SPATS2L: variants seen among roughly 807,000 people sequenced by gnomAD.
SPATS2L encodes the protein SPATS2-like protein.
Under a neutral mutation model 59.6 loss-of-function variants are expected in SPATS2L, and 30 were observed. The observed-to-expected ratio is 0.50, with a 90% CI of 0.38 to 0.68. SPATS2L has a LOEUF of 0.68. Among genes scored for constraint, SPATS2L ranks in the 30% least tolerant of loss-of-function variants. The pLI is 0.00. For missense variants in SPATS2L, 615 were observed against 700.0 expected, an observed-to-expected ratio of 0.88 and a Z score of 1.37; for synonymous variants, 252 against 263.5, an observed-to-expected ratio of 0.96 and a Z score of 0.42.
intron 2 of SPATS2L, among the ~76,000 whole-genome samples, chr2:200,386,735 T>C (rs894724972): frequency 6.6e-6 from 1 of 152,216 alleles, no homozygotes; most frequent in African/African-American, 2.4e-5. Context: ...ATGAAAGTCA[T>C]TGTGGCTCAC....
At chr2:200,377,243 G>A (rs577675480) in intron 2 of SPATS2L, among the ~76,000 whole-genome samples, 2 of 152,288 alleles carry the variant, frequency 1.3e-5, no homozygotes, top group African/African-American at 2.4e-5. Context: ...ACTAGTAAGA[G>A]GTAGAGCTGG....
At chr2:200,420,977 T>G (rs1361668221) in intron 6 of SPATS2L, among the ~76,000 whole-genome samples, 1 of 152,156 alleles carries the variant, frequency 6.6e-6, no homozygotes, top group Non-Finnish European at 1.5e-5. Context: ...GGTAGATCCT[T>G]TGATGAGAAT....
intron 2 of SPATS2L, chr2:200,378,508 A>C: frequency 2.0e-6 from 1 of 506,572 alleles, no homozygotes; most frequent in Non-Finnish European, 2.6e-6. Context: ...TTTCCCACCA[A>C]GTGCCAGTGC....
At chr2:200,404,228 G>A (rs890601559) in intron 3 of SPATS2L, among the ~76,000 whole-genome samples, 1 of 152,224 alleles carries the variant, frequency 6.6e-6, no homozygotes, top group Non-Finnish European at 1.5e-5. Context: ...AGATTGGAGA[G>A]AGGAGAAACC....
At chr2:200,411,272 A>T (rs1364098691) in intron 3 of SPATS2L, among the ~76,000 whole-genome samples, 1 of 152,156 alleles carries the variant, frequency 6.6e-6, no homozygotes, top group Non-Finnish European at 1.5e-5. Flanking sequence ...CATAATCAGG[A>T]AATAGGCCAT....
chr2:200,369,078 T>TAAA (rs11383455), intron 2 of SPATS2L, among the ~76,000 whole-genome samples: 3 of 126,280 alleles, frequency 2.4e-5, no homozygotes, highest in Non-Finnish European at 3.6e-5. Flanking sequence ...TTGATAGTTC[T>TAAA]AAAAAAAAAA....
intron 3 of SPATS2L, among the ~76,000 whole-genome samples, chr2:200,393,720 A>T (rs953218654): frequency 6.6e-6 from 1 of 152,308 alleles, no homozygotes. Context: ...TGGCCTAAAA[A>T]TTTTTATGAT....
intron 11 of SPATS2L, among the ~76,000 whole-genome samples, chr2:200,472,598 T>C (rs1574740586): frequency 6.6e-6 from 1 of 152,228 alleles, no homozygotes; most frequent in East Asian, 1.9e-4. Flanking sequence ...TACAAATGTC[T>C]CCCAACTTGG....
chr2:200,392,481 G>A (rs368911888), intron 3 of SPATS2L, among the ~76,000 whole-genome samples: 1 of 152,052 alleles, frequency 6.6e-6, no homozygotes, highest in Admixed American at 6.5e-5. Flanking sequence ...TGTAATAAAC[G>A]AGTAAATGTG....
intron 8 of SPATS2L, among the ~76,000 whole-genome samples, chr2:200,443,984 C>T (rs1021743002): frequency 5.9e-5 from 9 of 152,158 alleles, no homozygotes; most frequent in Admixed American, 5.9e-4. Flanking sequence ...GCTGCATGAC[C>T]ATAACAGAGC....
At chr2:200,402,073 A>G (rs1319780822) in intron 3 of SPATS2L, among the ~76,000 whole-genome samples, 1 of 152,142 alleles carries the variant, frequency 6.6e-6, no homozygotes, top group African/African-American at 2.4e-5. Flanking sequence ...AATGCAAATC[A>G]ATTGCTTCCT....
At chr2:200,391,652 G>A (rs896325161) in intron 3 of SPATS2L, among the ~76,000 whole-genome samples, 6 of 152,122 alleles carry the variant, frequency 3.9e-5, no homozygotes, top group Admixed American at 1.3e-4. Context: ...CTCCATTAGC[G>A]ACTGTGCTAC....
In SPATS2L at chr2:200,368,717, A is replaced by G. The variant is rs1027097694; in HGVS notation, c.-22-20506A>G. 2.0e-5 allele frequency among the ~76,000 whole-genome samples: 3 copies of G among 152,316 alleles called. No homozygotes were observed. In the South Asian group the frequency reaches 6.2e-4, roughly 32 times the overall value. On this transcript the variant is annotated intron_variant, in intron 2 of 12. Coordinates refer to ENST00000409140, the MANE Select transcript of SPATS2L (RefSeq NM_001100423.2). The stretch of plus-strand genomic sequence containing the variant: ...TTACAGACTTCAGGGGGAAATCCCA[A>G]ATATTTCAGAGAAGAAGAAGATATA...
intron 9 of SPATS2L, among the ~76,000 whole-genome samples, chr2:200,465,269 G>A (rs756640493): frequency 2.0e-5 from 3 of 152,244 alleles, no homozygotes; most frequent in Non-Finnish European, 2.9e-5. Flanking sequence ...CACCATGTAG[G>A]AAGGTTGACC....
chr2:200,344,047 TAAA>T (rs890104002), intron 2 of SPATS2L, among the ~76,000 whole-genome samples: 8 of 151,696 alleles, frequency 5.3e-5, no homozygotes, highest in African/African-American at 1.9e-4. Context: ...TTATTTTTTT[TAAA>T]AAAAATTTAT....
chr2:200,329,333 T>A (rs2079858281), intron 1 of SPATS2L, 98 bp from the exon 2 acceptor site: 1 of 1,012,174 alleles, frequency 9.9e-7, no homozygotes, highest in South Asian at 1.4e-5. Flanking sequence ...TCTTCTTGAC[T>A]CCAGATCCTG....
intron 2 of SPATS2L, among the ~76,000 whole-genome samples, chr2:200,364,482 A>T (rs1021004005): frequency 6.6e-6 from 1 of 152,036 alleles, no homozygotes; most frequent in African/African-American, 2.4e-5. Context: ...TTGCCGATGG[A>T]CTTCTTTCTT....
At chr2:200,470,856 T>C (rs2086972527) in intron 11 of SPATS2L, among the ~76,000 whole-genome samples, 1 of 152,334 alleles carries the variant, frequency 6.6e-6, no homozygotes, top group Admixed American at 6.5e-5. Flanking sequence ...GTCATTTCTC[T>C]AAATATAATA....
chr2:200,386,521 T>G (rs2081999133), intron 2 of SPATS2L, among the ~76,000 whole-genome samples: 1 of 152,174 alleles, frequency 6.6e-6, no homozygotes, highest in Non-Finnish European at 1.5e-5. Context: ...CGTCTTCAGA[T>G]CTCATAAATT....
Sources: allele counts gnomAD v4.1 joint callset (sites outside exome capture counted in the v4.1 genomes callset), GRCh38; gene constraint gnomAD v4.1.1; transcripts MANE v1.5; gene names NCBI Gene and HGNC (gene_info 2026-07-23, HGNC 2026-07-21).